Variants in ERICH2 observed in about 807,000 individuals in gnomAD.
The protein encoded by ERICH2 is glutamate rich 2, also known as glutamate-rich protein 2.
In ERICH2, 17 loss-of-function variants were observed where a neutral mutation model predicts 17.4. The ratio of observed to expected loss-of-function variants is 0.98; its 90% CI spans 0.67 to 1.47. The LOEUF (loss-of-function observed/expected upper bound fraction) is 1.47. Ranked by LOEUF, ERICH2 falls within the 40% of genes most tolerant of loss-of-function variation. The pLI, the probability that ERICH2 is intolerant of heterozygous loss-of-function variation, is 0.00. For synonymous variants in ERICH2, 51 were observed against 61.1 expected (o/e 0.83, Z 0.77); for missense variants, 186 against 183.2 (o/e 1.01, Z -0.09).
At chr2:170,780,771 G>A (rs1364575403), upstream of ERICH2, among the ~76,000 whole-genome samples, 1 of 151,960 alleles carries the variant, frequency 6.6e-6, no homozygotes, top group South Asian at 2.1e-4. Flanking sequence ...TTGTATCTTA[G>A]ATTCAATGAA....
chr2:170,778,593 A>C, the ERICH2 span, among the ~76,000 whole-genome samples: 1 of 152,114 alleles, frequency 6.6e-6, no homozygotes, highest in African/African-American at 2.4e-5. Context: ...AATCAGTGAC[A>C]GAGGACCTTA....
intron 3 of ERICH2, among the ~76,000 whole-genome samples, chr2:170,794,501 T>A (rs1198327172): frequency 6.6e-6 from 1 of 152,224 alleles, no homozygotes; most frequent in Non-Finnish European, 1.5e-5. Context: ...AATATGCTGT[T>A]AAAACTATTT....
chr2:170,795,097 A>C (rs1203016666), intron 3 of ERICH2, among the ~76,000 whole-genome samples: 1 of 150,818 alleles, frequency 6.6e-6, no homozygotes, highest in Admixed American at 6.6e-5. Flanking sequence ...CTCCCACCTC[A>C]GCCTCCCTAG....
the ERICH2 span, among the ~76,000 whole-genome samples, chr2:170,776,158 A>G: frequency 6.6e-6 from 1 of 152,232 alleles, no homozygotes; most frequent in Non-Finnish European, 1.5e-5. Context: ...AATCAGTCCT[A>G]TGATCAGGTA....
the ERICH2 span, among the ~76,000 whole-genome samples, chr2:170,775,017 A>G: frequency 6.6e-6 from 1 of 152,166 alleles, no homozygotes; most frequent in Non-Finnish European, 1.5e-5. Context: ...GGATCTGTCC[A>G]TCCTACGTTT....
intron 1 of ERICH2, 145 bp from the exon 7 acceptor site, chr2:170,784,501 T>C (rs1701103816): frequency 2.1e-6 from 1 of 471,582 alleles, no homozygotes; most frequent in Non-Finnish European, 3.7e-6. Context: ...AGTTAAAATA[T>C]GTAGTGTTTT....
chr2:170,787,854 A>G (rs1218100541), intron 2 of ERICH2, among the ~76,000 whole-genome samples: 9 of 152,094 alleles, frequency 5.9e-5, no homozygotes, highest in East Asian at 1.9e-4. Flanking sequence ...TTGTTTCCCT[A>G]CTCTAAGAAA....
At chr2:170,784,791 C>A in exon 2 of ERICH2, 1 of 1,533,550 alleles carries the variant, frequency 6.5e-7, no homozygotes, top group Non-Finnish European at 8.8e-7. Context: ...AAGATAGTAA[C>A]CCTAAAAAGA....
chr2:170,777,699 T>G, the ERICH2 span: 2 of 1,231,130 alleles, frequency 1.6e-6, no homozygotes, highest in Non-Finnish European at 2.0e-6. Context: ...ATGTCTTTGA[T>G]TGTGCAGCTG....
In ERICH2 at chr2:170,784,959, G is replaced by A. The variant is rs1243405678; in HGVS notation, c.216+126G>A. On this transcript the variant is annotated intron_variant, in intron 2 of 4. Transcript: ENST00000409885. ...TCTCATGGAGGCAGAACATAGAATG[G>A]TGGTTACCAGAAGCTGGACGGGAAG... 1.1e-5 allele frequency: 8 copies of A among 756,096 alleles called. No individual in the cohort carries two copies. In the East Asian group the frequency reaches 2.1e-4, roughly 20 times the overall value. The allele number at this position is 756,096 out of a possible 1,614,324, so 46.8% of individuals were successfully genotyped here.
At chr2:170,777,305 C>A in the ERICH2 span, 1 of 432,006 alleles carries the variant, frequency 2.3e-6, no homozygotes, top group Non-Finnish European at 3.2e-6. Context: ...TACATAAAGG[C>A]TATTAGTAAA....
At chr2:170,788,929 A>G (rs549965829) in intron 2 of ERICH2, among the ~76,000 whole-genome samples, 1 of 139,662 alleles carries the variant, frequency 7.2e-6, no homozygotes, top group South Asian at 2.5e-4. Flanking sequence ...TAGCCTAGCC[A>G]TATTCTTCTT....
At chr2:170,790,845 A>C (rs899013094) in intron 2 of ERICH2, among the ~76,000 whole-genome samples, 1 of 152,012 alleles carries the variant, frequency 6.6e-6, no homozygotes, top group African/African-American at 2.4e-5. Context: ...GGAAAATAGT[A>C]ATCACAACAA....
At chr2:170,783,953 C>T (rs1701086095) in intron 1 of ERICH2, 3 of 1,535,690 alleles carry the variant, frequency 2.0e-6, no homozygotes, top group Non-Finnish European at 1.8e-6. Context: ...GGTTTAGAGT[C>T]AGGAGTTTGT....
At chr2:170,798,421 C>CA in intron 4 of ERICH2, among the ~76,000 whole-genome samples, 2 of 152,304 alleles carry the variant, frequency 1.3e-5, no homozygotes, top group East Asian at 3.9e-4. Flanking sequence ...AGGGAAGCCA[C>CA]ACCCTCTCAA....
At chr2:170,797,045 T>A (rs1701443849) in intron 3 of ERICH2, among the ~76,000 whole-genome samples, 1 of 152,044 alleles carries the variant, frequency 6.6e-6, no homozygotes, top group Admixed American at 6.6e-5. Flanking sequence ...GGTGACACAG[T>A]GACATAAAGG....
chr2:170,791,527 T>TAAAAA lies in ERICH2; in HGVS notation c.217-1327_217-1323dup, dbSNP rs10658304. Among the ~76,000 whole-genome samples the TAAAAA allele has an allele frequency of 1.6e-5, 2 of 121,596 alleles. 1 individual carries two copies. Among genetic ancestry groups the TAAAAA allele is most frequent in the Non-Finnish European group, 3.5e-5 (2 of 57,182 alleles). The allele number at this position is 121,596 out of a possible 152,430, so 79.8% of individuals were successfully genotyped here. On this transcript the variant is annotated intron_variant, in intron 2 of 4. Coordinates refer to ENST00000409885, the Ensembl canonical transcript of ERICH2. Reference sequence around the variant, plus strand: ...TAACATGGTGAAACCCCGTCTCTACTAAAAAAAAAAAAATTAGCCGGGCGT... The same window carrying TAAAAA: ...TAACATGGTGAAACCCCGTCTCTACTAAAAAAAAAAAAAAAAAATTAGCCGGGCGT...
At chr2:170,793,734 G>A (rs764623050) in intron 3 of ERICH2, among the ~76,000 whole-genome samples, 8 of 152,176 alleles carry the variant, frequency 5.3e-5, no homozygotes, top group Non-Finnish European at 8.8e-5. Flanking sequence ...AAAACCACTG[G>A]AGGCTTTTGA....
chr2:170,793,902 T>G (rs1701348757), intron 3 of ERICH2, among the ~76,000 whole-genome samples: 1 of 152,178 alleles, frequency 6.6e-6, no homozygotes, highest in South Asian at 2.1e-4. Context: ...TTCTATCAGC[T>G]TTGAAAATTT....
Sources: gnomAD v4.1 joint callset for allele counts (sites outside exome capture counted in the v4.1 genomes callset) on GRCh38, gnomAD v4.1.1 for gene constraint, MANE v1.5 for transcripts, NCBI Gene and HGNC (gene_info 2026-07-23, HGNC 2026-07-21) for gene names.